ROCK2: variants seen among roughly 807,000 people sequenced by gnomAD.
The protein encoded by ROCK2 is Rho associated coiled-coil containing protein kinase 2.
In ROCK2, 61 loss-of-function variants were observed where a neutral mutation model predicts 195.1. That is an observed-to-expected ratio of 0.31 (90% CI 0.25 to 0.39). The LOEUF is 0.39. Ranked by LOEUF, ROCK2 falls within the 10% of genes least tolerant of loss-of-function variation. ROCK2 has a pLI of 1.00. For missense variants in ROCK2, 1,109 were observed against 1,637.4 expected (o/e 0.68, Z 5.57); for synonymous variants, 504 against 545.5 (o/e 0.92, Z 1.06).
At chr2:11,319,131 T>G (rs1469281821) in intron 1 of ROCK2, among the ~76,000 whole-genome samples, 3 of 152,220 alleles carry the variant, frequency 2.0e-5, no homozygotes, top group African/African-American at 7.2e-5. Flanking sequence ...TTTTTTCCAA[T>G]TCTGTGAAGA....
chr2:11,315,042 A>C (rs1668149933), intron 1 of ROCK2, among the ~76,000 whole-genome samples: 1 of 152,032 alleles, frequency 6.6e-6, no homozygotes, highest in African/African-American at 2.4e-5. Context: ...ACTGAGGATA[A>C]AAATATCACT....
At chr2:11,306,166 TA>T (rs1385295469) in intron 1 of ROCK2, among the ~76,000 whole-genome samples, 1 of 152,212 alleles carries the variant, frequency 6.6e-6, no homozygotes, top group Non-Finnish European at 1.5e-5. Context: ...ATGTTTTGTG[TA>T]TGCAGTAAGT....
intron 4 of ROCK2, among the ~76,000 whole-genome samples, chr2:11,238,558 A>G (rs1398172816): frequency 4.6e-5 from 7 of 152,176 alleles, no homozygotes; most frequent in African/African-American, 1.2e-4. Context: ...AATAATCAAG[A>G]CAATACTGGC....
chr2:11,252,608 ATAC>A (rs1407782807), intron 3 of ROCK2, among the ~76,000 whole-genome samples: 1 of 152,206 alleles, frequency 6.6e-6, no homozygotes, highest in African/African-American at 2.4e-5. Flanking sequence ...ACACCATGGA[ATAC>A]TATGCAGCCA....
At chr2:11,304,899 G>A (rs530298052) in intron 1 of ROCK2, among the ~76,000 whole-genome samples, 1 of 152,258 alleles carries the variant, frequency 6.6e-6, no homozygotes, top group East Asian at 1.9e-4. Flanking sequence ...TTACAGGGTT[G>A]GGAGACTGAC....
rs35144359 is a variant in ROCK2, at chr2:11,285,261, TAA to T, written c.324+1276_324+1277del. Reference sequence around the variant, plus strand: ...TGGGCAACAAGAGTGAAACTCTGTCTAAAAAAAAAAAAAAAAAAAAATGTTTA... The same window carrying T: ...TGGGCAACAAGAGTGAAACTCTGTCTAAAAAAAAAAAAAAAAAAATGTTTA... On this transcript the variant is annotated intron_variant, in intron 3 of 32. Transcript: ENST00000315872. 3.4e-3 allele frequency among the ~76,000 whole-genome samples: 403 copies of T among 117,218 alleles called. 3 individuals carry two copies. In the South Asian group the frequency reaches 0.046, roughly 13 times the overall value. The allele number at this position is 117,218 out of a possible 152,430, so 76.9% of individuals were successfully genotyped here.
At chr2:11,195,625 C>G (rs2148035120) in intron 27 of ROCK2, among the ~76,000 whole-genome samples, 1 of 152,242 alleles carries the variant, frequency 6.6e-6, no homozygotes, top group East Asian at 1.9e-4. Context: ...AGTGATTCTC[C>G]TAACTTGGCT....
Position 11,309,052 on chromosome 2 carries a change from G to C in ROCK2, c.142-21316C>G, listed in dbSNP as rs567964706. 1.3e-4 allele frequency: 187 copies of C among 1,483,396 alleles called. 1 individual carries two copies. The highest frequency in any genetic ancestry group is 1.6e-4 in the Non-Finnish European group (178 of 1,100,720). The allele number at this position is 1,483,396 out of a possible 1,614,324, so 91.9% of individuals were successfully genotyped here. ...ACAGGCAGGAAGCAAGCCGTACCCA[G>C]ACCAGTAGGCCGGAGGGAGTCCAAT... On this transcript the variant is annotated intron_variant, in intron 1 of 32. Coordinates refer to ENST00000315872, the MANE Select transcript of ROCK2 (RefSeq NM_004850.5).
intron 5 of ROCK2, among the ~76,000 whole-genome samples, chr2:11,227,923 T>C (rs1344264402): frequency 2.0e-5 from 3 of 152,200 alleles, no homozygotes; most frequent in Non-Finnish European, 2.9e-5. Flanking sequence ...TAAAAGATCT[T>C]AGAAGTGTGA....
chr2:11,330,016 G>A (rs1050527030), intron 1 of ROCK2, among the ~76,000 whole-genome samples: 9 of 152,104 alleles, frequency 5.9e-5, no homozygotes, highest in Admixed American at 1.3e-4. Flanking sequence ...AGAAATGCTG[G>A]AGCATCTTGT....
chr2:11,213,714 G>A (rs1048503946), intron 17 of ROCK2, among the ~76,000 whole-genome samples: 7 of 151,524 alleles, frequency 4.6e-5, no homozygotes, highest in African/African-American at 9.7e-5. Flanking sequence ...TTTGCCCTAC[G>A]GACCTATCCT....
chr2:11,319,461 A>C (rs1242341836), intron 1 of ROCK2, among the ~76,000 whole-genome samples: 2 of 152,142 alleles, frequency 1.3e-5, no homozygotes, highest in Non-Finnish European at 2.9e-5. Context: ...GTATCCTGAG[A>C]CTTTGCTGAA....
At position 11,213,918 on chromosome 2, in the gene ROCK2, A is replaced by G. The variant is rs115670030; in HGVS notation, c.2043+439T>C. Among the ~76,000 whole-genome samples, 463 of 152,326 alleles carry G rather than the reference A, an allele frequency of 3.0e-3. 2 individuals carry two copies. Among genetic ancestry groups the G allele is most frequent in the African/African-American group, 9.9e-3 (412 of 41,572 alleles). On this transcript the variant is annotated intron_variant, in intron 17 of 32. Coordinates refer to ENST00000315872, the MANE Select transcript of ROCK2 (RefSeq NM_004850.5). The stretch of plus-strand genomic sequence containing the variant: ...ATTTCTACCACATATAACACACTGA[A>G]TATTTAGCTGAGTAAATAAATAAGT...
intron 4 of ROCK2, among the ~76,000 whole-genome samples, chr2:11,244,583 T>C (rs894378337): frequency 7.3e-5 from 11 of 151,004 alleles, no homozygotes; most frequent in African/African-American, 2.4e-4. Flanking sequence ...CTGGGCAACA[T>C]AGTGAGACCC....
chr2:11,303,049 CA>C (rs1392491722), intron 1 of ROCK2, among the ~76,000 whole-genome samples: 4 of 152,102 alleles, frequency 2.6e-5, no homozygotes, highest in African/African-American at 9.7e-5. Context: ...AGCCATGTAC[CA>C]AGGCTGAGTG....
intron 5 of ROCK2, chr2:11,234,183 A>G (rs1665123154): frequency 6.6e-6 from 1 of 152,158 alleles, no homozygotes; most frequent in South Asian, 2.1e-4. Context: ...TTATAAAGAG[A>G]CAATTTAAGT....
chr2:11,238,212 G>A (rs1490670025), intron 4 of ROCK2, among the ~76,000 whole-genome samples: 4 of 133,978 alleles, frequency 3.0e-5, no homozygotes, highest in African/African-American at 1.1e-4. Context: ...GAGAAAGAGT[G>A]TGTGTGTGTG....
intron 4 of ROCK2, among the ~76,000 whole-genome samples, chr2:11,239,787 C>G (rs1665358670): frequency 6.6e-6 from 1 of 152,196 alleles, no homozygotes. Flanking sequence ...ATTTCCCTCA[C>G]TTCAGAAATC....
chr2:11,344,226 C>G lies in ROCK2; in HGVS notation c.-90G>C, dbSNP rs1669207840. ...ACCGCCCCCGAACCACCAGCTCCGG[C>G]CGGGACTCCACCCGGGCCCACCGCC... On this transcript the variant is annotated 5_prime_UTR_variant, in exon 1 of 33. Coordinates refer to ENST00000315872, the MANE Select transcript of ROCK2 (RefSeq NM_004850.5). The surrounding 1 kb of genome is among the most constrained non-coding windows in gnomAD (Gnocchi z 5.4). 1.5e-6 allele frequency: 2 copies of G among 1,323,182 alleles called. No individual in the cohort carries two copies. Among genetic ancestry groups the G allele is most frequent in the South Asian group, 2.0e-5 (1 of 48,980 alleles). 82.0% of individuals were successfully genotyped at this position (1,323,182 alleles called of 1,614,324 possible). A position where few individuals can be genotyped will look rare whatever the true frequency, so the allele number is the denominator to read the frequency against.
Sources: gnomAD v4.1 joint callset for allele counts (sites outside exome capture counted in the v4.1 genomes callset) on GRCh38, gnomAD v4.1.1 for gene constraint, Gnocchi (gnomAD v3.1) non-coding constraint, MANE v1.5 for transcripts, NCBI Gene and HGNC (gene_info 2026-07-23, HGNC 2026-07-21) for gene names.